G2E3: variants seen among roughly 807,000 people sequenced by gnomAD.
The protein encoded by G2E3 is G2/M-phase specific E3 ubiquitin protein ligase.
G2E3 carries 35 observed loss-of-function variants against 92.8 expected under a neutral mutation model. That is an observed-to-expected ratio of 0.38 (90% confidence interval 0.29 to 0.50). The LOEUF is 0.50. Ranked by LOEUF, G2E3 falls within the 20% of genes least tolerant of loss-of-function variation. The pLI, the probability that G2E3 is intolerant of heterozygous loss-of-function variation, is 0.94. For missense variants in G2E3, 554 were observed against 823.8 expected, an observed-to-expected ratio of 0.67 and a Z score of 4.01; for synonymous variants, 242 against 272.4, an observed-to-expected ratio of 0.89 and a Z score of 1.10.
At chr14:30,609,499 T>C (rs1233963940) in intron 12 of G2E3, among the ~76,000 whole-genome samples, 2 of 152,184 alleles carry the variant, frequency 1.3e-5, no homozygotes, top group Non-Finnish European at 2.9e-5. Context: ...TCTTTAATGC[T>C]TCTTACTTCT....
intron 2 of G2E3, 84 bp from the exon 3 acceptor site, chr14:30,586,632 CAG>C (rs1880726420): frequency 2.0e-6 from 1 of 510,926 alleles, no homozygotes; most frequent in Non-Finnish European, 3.4e-6. Context: ...GAATTTAACA[CAG>C]AAATTTAGAG....
Position 30,605,704 on chromosome 14 carries a change from G to T in G2E3, c.1210G>T (p.Glu404Ter). ...YVIENDNFGS[E>*]HPGSKQEFLS... ...TATTGAAAATGATAATTTTGGAAGT[G>T]AGCATCCTGGATCAAAGCAAGAATT... The change falls in exon 11 of 15, where the codon GAG becomes TAG. Residue 404 changes from glutamate (E) to a stop codon, truncating the protein, a stop_gained. Transcript: ENST00000206595. LOFTEE classifies it high-confidence loss of function. 6.2e-7 allele frequency: 1 copy of T among 1,606,968 alleles called. No individual in the cohort carries two copies. The highest frequency in any genetic ancestry group is 1.1e-5 in the South Asian group (1 of 90,268).
intron 1 of G2E3, among the ~76,000 whole-genome samples, chr14:30,569,781 C>G (rs1051845499): frequency 6.6e-6 from 1 of 152,062 alleles, no homozygotes; most frequent in Admixed American, 6.5e-5. Context: ...TAATCCAATC[C>G]AAGGAGATTT....
intron 10 of G2E3, among the ~76,000 whole-genome samples, chr14:30,604,444 A>T (rs1294860258): frequency 6.6e-6 from 1 of 152,236 alleles, no homozygotes; most frequent in Admixed American, 6.5e-5. Context: ...GGAGAAACTG[A>T]GGGAAGGAGT....
chr14:30,610,615 G>A (rs229236), intron 12 of G2E3, among the ~76,000 whole-genome samples: 74,179 of 152,006 alleles, frequency 0.49, 21,091 homozygotes, highest in African/African-American at 0.79. Context: ...ATAAATAAAT[G>A]TATACATAAA....
At chr14:30,560,136 T>C (rs1357653947) in intron 1 of G2E3, 1 of 151,570 alleles carries the variant, frequency 6.6e-6, no homozygotes, top group East Asian at 1.9e-4. Flanking sequence ...TTTTTAATGA[T>C]GAACTATCTG....
intron 2 of G2E3, 77 bp downstream of exon 2, chr14:30,581,193 G>A (rs1880411527): frequency 1.3e-6 from 1 of 790,104 alleles, no homozygotes; most frequent in African/African-American, 1.7e-5. Flanking sequence ...GACTGAAGAG[G>A]AATGAATTCC....
In G2E3 at chr14:30,619,848, CTATT is replaced by C. The variant is rs1413084694; in HGVS notation, c.*3317_*3320del. ...GTTTATGCCACTAAAGGTAAACTGC[CTATT>C]TAAACTAAGTAATTTTTTGGGATTT... On this transcript the variant is annotated 3_prime_UTR_variant, in exon 15 of 15. Coordinates refer to ENST00000206595, the MANE Select transcript of G2E3 (RefSeq NM_017769.5). 1 of 152,030 alleles carries C rather than the reference CTATT, an allele frequency of 6.6e-6. No individual in the cohort carries two copies. The highest frequency in any genetic ancestry group is 2.4e-5 in the African/African-American group (1 of 41,404). 9.4% of individuals were successfully genotyped at this position (152,030 alleles called of 1,614,324 possible).
rs1183221568 is a variant in G2E3, at chr14:30,562,170, T to C, written c.-5+2898T>C. Among the ~76,000 whole-genome samples the C allele has an allele frequency of 2.0e-5, 3 of 152,272 alleles. No individual in the cohort carries two copies. In the East Asian group the frequency reaches 5.8e-4, roughly 29 times the overall value. On this transcript the variant is annotated intron_variant, in intron 1 of 14. Coordinates refer to ENST00000206595, the MANE Select transcript of G2E3 (RefSeq NM_017769.5). ...TTTTAAAATATTTAATTTCCTCTTG[T>C]GTGGGCGGCAAGCCACCCAGGTGCC...
intron 1 of G2E3, among the ~76,000 whole-genome samples, chr14:30,580,042 T>C (rs1344065658): frequency 1.4e-4 from 22 of 151,842 alleles, no homozygotes; most frequent in Admixed American, 1.4e-3. Context: ...TAGTGGAGAG[T>C]GAGGAGATAG....
chr14:30,589,316 A>T, intron 3 of G2E3, 67 bp from the exon 4 acceptor site: 1 of 852,674 alleles, frequency 1.2e-6, no homozygotes, highest in South Asian at 1.4e-5. Context: ...AATAGTATGG[A>T]TATATATTTT....
At chr14:30,586,282 C>G (rs1566536251) in intron 2 of G2E3, among the ~76,000 whole-genome samples, 1 of 152,156 alleles carries the variant, frequency 6.6e-6, no homozygotes, top group Non-Finnish European at 1.5e-5. Context: ...CACTGCCCAG[C>G]TGGGCAGTGG....
chr14:30,579,691 A>G (rs952676760), intron 1 of G2E3, among the ~76,000 whole-genome samples: 2 of 152,190 alleles, frequency 1.3e-5, no homozygotes, highest in Non-Finnish European at 2.9e-5. Flanking sequence ...ATGAAGTACC[A>G]TGGTGTAACC....
chr14:30,614,485 C>G (rs1465860920), intron 13 of G2E3, among the ~76,000 whole-genome samples: 1 of 152,190 alleles, frequency 6.6e-6, no homozygotes, highest in Non-Finnish European at 1.5e-5. Context: ...TTATCAGGAG[C>G]TCACTCCCAC....
Position 30,617,702 on chromosome 14 carries a change from A to G in G2E3, c.*1168A>G, listed in dbSNP as rs1165428779. ...GTACCGTATTTCTGTGTATCCTTCT[A>G]TAAACTCTTTACTTCTGTTTCCTTT... is the stretch of plus-strand genomic sequence containing the variant. On this transcript the variant is annotated 3_prime_UTR_variant, in exon 15 of 15. Coordinates refer to ENST00000206595, the MANE Select transcript of G2E3 (RefSeq NM_017769.5). The G allele has an allele frequency of 6.6e-6, 1 of 152,136 alleles. No individual in the cohort carries two copies. Among genetic ancestry groups the G allele is most frequent in the Non-Finnish European group, 1.5e-5 (1 of 67,948 alleles). The allele number at this position is 152,136 out of a possible 1,614,324, so 9.4% of individuals were successfully genotyped here.
rs1880734790 is a variant in G2E3, at chr14:30,586,771, A to G, written c.91A>G (p.Lys31Glu). Residue 31 changes from lysine (K) to glutamate (E), a missense_variant, in exon 3 of 15, where the codon AAA becomes GAA. Physicochemically the swap from Lys to Glu is moderately conservative, Grantham distance 56. Transcript: ENST00000206595. ...DDCPNKYGEK[K>E]TKEKWNLTVH... ...CTGTCCTAATAAATACGGAGAAAAG[A>G]AAACTAAGGAGAAATGGAATCTCAC... 1 of 1,443,140 alleles carries G rather than the reference A, an allele frequency of 6.9e-7. No homozygotes were observed. Among genetic ancestry groups the G allele is most frequent in the Non-Finnish European group, 9.5e-7 (1 of 1,056,592 alleles). 89.4% of individuals were successfully genotyped at this position (1,443,140 alleles called of 1,614,324 possible). A position where few individuals can be genotyped will look rare whatever the true frequency, so the allele number is the denominator to read the frequency against.
At chr14:30,577,382 T>G (rs1594473837) in intron 1 of G2E3, among the ~76,000 whole-genome samples, 1 of 152,210 alleles carries the variant, frequency 6.6e-6, no homozygotes, top group East Asian at 1.9e-4. Flanking sequence ...CAGAACTTGC[T>G]GGTTTTAAAC....
intron 3 of G2E3, among the ~76,000 whole-genome samples, chr14:30,588,346 G>T (rs1417432607): frequency 6.9e-6 from 1 of 145,596 alleles, no homozygotes; most frequent in Non-Finnish European, 1.5e-5. Flanking sequence ...TTATGTGTCT[G>T]CAGGTTATGT....
At chr14:30,581,845 C>G (rs550136832) in intron 2 of G2E3, among the ~76,000 whole-genome samples, 41 of 152,292 alleles carry the variant, frequency 2.7e-4, no homozygotes, top group African/African-American at 9.9e-4. Context: ...TATCTGTTGT[C>G]TTGCTACAAT....
Sources: gnomAD v4.1 joint callset for allele counts (sites outside exome capture counted in the v4.1 genomes callset) on GRCh38, gnomAD v4.1.1 for gene constraint, MANE v1.5 for transcripts, NCBI Gene and HGNC (gene_info 2026-07-23, HGNC 2026-07-21) for gene names.